Variants in CSMD3 observed in about 807,000 individuals in gnomAD.
CSMD3 encodes CUB and sushi domain-containing protein 3.
CSMD3 carries 177 observed loss-of-function variants against 435.2 expected under a neutral mutation model. The ratio of observed to expected loss-of-function variants is 0.41; its 90% CI spans 0.36 to 0.46. CSMD3 has a LOEUF of 0.46. Among genes scored for constraint, CSMD3 ranks in the 20% least tolerant of loss-of-function variants. The pLI is 0.34. For missense variants in CSMD3, 4,265 were observed against 4,504.6 expected (o/e 0.95, Z 1.52); for synonymous variants, 1,656 against 1,520.5 (o/e 1.09, Z -2.07).
chr8:112,821,061 C>T (rs1265378899), intron 12 of CSMD3, among the ~76,000 whole-genome samples: 1 of 152,082 alleles, frequency 6.6e-6, no homozygotes. Context: ...CGTTGATGGG[C>T]ATTTGGGTTG....
chr8:113,278,199 T>C (rs2093586141), intron 3 of CSMD3, among the ~76,000 whole-genome samples: 2 of 151,840 alleles, frequency 1.3e-5, no homozygotes, highest in South Asian at 4.1e-4. Context: ...CTCTTGTCTC[T>C]TTCTGAACTT....
intron 10 of CSMD3, among the ~76,000 whole-genome samples, chr8:112,874,210 T>C (rs2081215177): frequency 6.6e-6 from 1 of 152,210 alleles, no homozygotes; most frequent in African/African-American, 2.4e-5. Context: ...TCCATGTAGT[T>C]GTGCAGTTTT....
At chr8:112,305,868 C>A in intron 51 of CSMD3, 139 bp downstream of exon 51, 1 of 756,818 alleles carries the variant, frequency 1.3e-6, no homozygotes, top group Non-Finnish European at 2.3e-6. Context: ...TACAAGATAG[C>A]TTACTTAACT....
At chr8:113,021,117 C>T (rs1050740332) in intron 5 of CSMD3, among the ~76,000 whole-genome samples, 1 of 151,960 alleles carries the variant, frequency 6.6e-6, no homozygotes, top group Non-Finnish European at 1.5e-5. Context: ...GTGCATTTTC[C>T]GTAATGTTTC....
chr8:113,401,717 C>T (rs2094510928), intron 1 of CSMD3, among the ~76,000 whole-genome samples: 1 of 151,538 alleles, frequency 6.6e-6, no homozygotes, highest in Non-Finnish European at 1.5e-5. Flanking sequence ...CAATCATGGA[C>T]TGCATAACAA....
At chr8:112,960,294 A>C (rs1321230502) in intron 7 of CSMD3, among the ~76,000 whole-genome samples, 1 of 151,742 alleles carries the variant, frequency 6.6e-6, no homozygotes, top group Non-Finnish European at 1.5e-5. Context: ...AGACAAAGAA[A>C]AATCAAGAAA....
At chr8:112,472,269 C>CTTTA (rs1434668014) in intron 32 of CSMD3, among the ~76,000 whole-genome samples, 1 of 152,116 alleles carries the variant, frequency 6.6e-6, no homozygotes, top group East Asian at 1.9e-4. Flanking sequence ...GCAGCCTTGG[C>CTTTA]TTTATGCTCT....
At chr8:113,297,396 T>C (rs150367340) in intron 2 of CSMD3, among the ~76,000 whole-genome samples, 16 of 152,166 alleles carry the variant, frequency 1.1e-4, no homozygotes, top group Admixed American at 9.8e-4. Context: ...ATGTTAGAAA[T>C]TGTTCATAGA....
intron 13 of CSMD3, among the ~76,000 whole-genome samples, chr8:112,712,499 G>A (rs1044501127): frequency 2.0e-5 from 3 of 152,068 alleles, no homozygotes; most frequent in African/African-American, 7.2e-5. Context: ...AGGACAGGAG[G>A]CCCCGCAACT....
chr8:113,416,748 T>G (rs1425577119), intron 1 of CSMD3, among the ~76,000 whole-genome samples: 1 of 152,124 alleles, frequency 6.6e-6, no homozygotes, highest in Non-Finnish European at 1.5e-5. Context: ...AAGCTTTCAC[T>G]TGGTTGTGGT....
chr8:113,141,165 A>G (rs992046337), intron 4 of CSMD3, among the ~76,000 whole-genome samples: 1 of 150,878 alleles, frequency 6.6e-6, no homozygotes, highest in Non-Finnish European at 1.5e-5. Flanking sequence ...AAGGAAATAA[A>G]AAGTATAATT....
chr8:112,260,460 A>C (rs1323920969), intron 61 of CSMD3, among the ~76,000 whole-genome samples: 2 of 152,196 alleles, frequency 1.3e-5, no homozygotes, highest in Middle Eastern at 3.2e-3. Context: ...TACGTAAAGC[A>C]ACTGAGACAA....
chr8:112,734,217 C>G (rs2077136260), intron 13 of CSMD3, among the ~76,000 whole-genome samples: 1 of 148,784 alleles, frequency 6.7e-6, no homozygotes, highest in Non-Finnish European at 1.5e-5. Flanking sequence ...TCGGTGCCAA[C>G]AGTTTTGAAA....
At chr8:113,426,039 T>C (rs2094634175) in intron 1 of CSMD3, among the ~76,000 whole-genome samples, 1 of 151,474 alleles carries the variant, frequency 6.6e-6, no homozygotes, top group African/African-American at 2.4e-5. Flanking sequence ...ACTTAGAGTA[T>C]GGAATCAATA....
At chr8:112,722,375 T>C (rs1407246790) in intron 13 of CSMD3, among the ~76,000 whole-genome samples, 4 of 152,126 alleles carry the variant, frequency 2.6e-5, no homozygotes, top group South Asian at 4.1e-4. Context: ...ACATTGGTGA[T>C]TGAATGTTAA....
intron 10 of CSMD3, among the ~76,000 whole-genome samples, chr8:112,871,896 G>A (rs1170967308): frequency 6.6e-6 from 1 of 152,038 alleles, no homozygotes; most frequent in East Asian, 1.9e-4. Context: ...CAAAAATAAG[G>A]ATTTAAGTAA....
chr8:113,215,840 A>T (rs573984997), intron 3 of CSMD3, among the ~76,000 whole-genome samples: 35 of 150,756 alleles, frequency 2.3e-4, no homozygotes, highest in East Asian at 1.8e-3. Context: ...TTTTCTTTTT[A>T]AAAAAAAATT....
intron 22 of CSMD3, among the ~76,000 whole-genome samples, chr8:112,591,758 T>C (rs959681682): frequency 6.6e-6 from 1 of 152,064 alleles, no homozygotes; most frequent in South Asian, 2.1e-4. Context: ...TAATACATGA[T>C]TTTGCTCATA....
chr8:112,636,296 G>A (rs1269396720), intron 22 of CSMD3, among the ~76,000 whole-genome samples: 4 of 151,956 alleles, frequency 2.6e-5, no homozygotes, highest in Admixed American at 2.6e-4. Flanking sequence ...GAGCCAATAA[G>A]TTCATTAAGA....
Sources: allele counts gnomAD v4.1 joint callset (sites outside exome capture counted in the v4.1 genomes callset), GRCh38; gene constraint gnomAD v4.1.1; transcripts MANE v1.5; gene names NCBI Gene and HGNC (gene_info 2026-07-23, HGNC 2026-07-21).